The following XRCC4 variants were observed in gnomAD, a reference collection of about 807,000 sequenced individuals.
XRCC4 encodes the protein DNA repair protein XRCC4.
A neutral mutation model predicts 39.1 loss-of-function variants in XRCC4; 28 were observed. The ratio of observed to expected loss-of-function variants is 0.72; its 90% confidence interval spans 0.53 to 0.98. XRCC4 has a LOEUF of 0.98. Ranked by LOEUF, XRCC4 falls within the 50% of genes least tolerant of loss-of-function variation. The pLI is 0.00. For synonymous variants in XRCC4, 123 were observed against 126.4 expected, an observed-to-expected ratio of 0.97 and a Z score of 0.18; for missense variants, 350 against 376.4, an observed-to-expected ratio of 0.93 and a Z score of 0.58.
At chr5:83,347,245 G>A (rs1756943866) in intron 7 of XRCC4, among the ~76,000 whole-genome samples, 1 of 152,048 alleles carries the variant, frequency 6.6e-6, no homozygotes, top group South Asian at 2.1e-4. Flanking sequence ...TAAAAAAAAG[G>A]CTGTGAATGT....
chr5:83,175,526 C>G (rs909255595), intron 3 of XRCC4, among the ~76,000 whole-genome samples: 4 of 152,160 alleles, frequency 2.6e-5, no homozygotes, highest in Admixed American at 6.5e-5. Flanking sequence ...AAATTGGAGA[C>G]TGGATGCCGT....
intron 3 of XRCC4, 105 bp from the exon 4 acceptor site, chr5:83,195,665 C>A (rs1750904553): frequency 9.0e-7 from 1 of 1,115,276 alleles, no homozygotes; most frequent in Non-Finnish European, 1.2e-6. Flanking sequence ...GTATTTAAAT[C>A]CTTCTTACAC....
chr5:83,095,844 A>G (rs975919154), intron 1 of XRCC4, among the ~76,000 whole-genome samples: 1 of 151,892 alleles, frequency 6.6e-6, no homozygotes, highest in Non-Finnish European at 1.5e-5. Flanking sequence ...CTATTCCGGT[A>G]TTATTAAGAT....
intron 3 of XRCC4, among the ~76,000 whole-genome samples, chr5:83,151,454 C>T (rs1297187362): frequency 2.6e-5 from 4 of 152,076 alleles, no homozygotes. Context: ...CAAAAAGGTT[C>T]ATAGAAAATC....
chr5:83,301,753 A>G (rs564616767), intron 7 of XRCC4, among the ~76,000 whole-genome samples: 9 of 152,268 alleles, frequency 5.9e-5, no homozygotes, highest in Admixed American at 2.6e-4. Context: ...ATTTTTGTAT[A>G]AAGATATAAG....
intron 6 of XRCC4, among the ~76,000 whole-genome samples, chr5:83,220,460 A>G (rs186705825): frequency 1.4e-3 from 217 of 152,302 alleles, no homozygotes; most frequent in African/African-American, 5.0e-3. Flanking sequence ...AGGATAGACA[A>G]GGTTACCAAT....
chr5:83,300,734 C>G (rs1379379002), intron 7 of XRCC4, among the ~76,000 whole-genome samples: 2 of 151,734 alleles, frequency 1.3e-5, no homozygotes, highest in Non-Finnish European at 2.9e-5. Context: ...TCCTCTTGCC[C>G]CCCACCCCCC....
chr5:83,122,588 T>G (rs975826512), intron 3 of XRCC4, among the ~76,000 whole-genome samples: 2 of 152,322 alleles, frequency 1.3e-5, no homozygotes, highest in African/African-American at 4.8e-5. Context: ...ATAGATCTTA[T>G]GCATTTTATA....
intron 3 of XRCC4, among the ~76,000 whole-genome samples, chr5:83,112,362 A>G (rs144792836): frequency 2.0e-5 from 3 of 152,330 alleles, no homozygotes; most frequent in African/African-American, 4.8e-5. Context: ...ATCATTGCCA[A>G]ATTGGGATTA....
At chr5:83,265,312 T>C (rs988924590) in intron 7 of XRCC4, among the ~76,000 whole-genome samples, 3 of 152,208 alleles carry the variant, frequency 2.0e-5, no homozygotes, top group African/African-American at 7.2e-5. Flanking sequence ...CTGGTCATCA[T>C]GAGCAAACCT....
chr5:83,345,681 G>A (rs1049582635), intron 7 of XRCC4, among the ~76,000 whole-genome samples: 8 of 152,040 alleles, frequency 5.3e-5, no homozygotes, highest in Non-Finnish European at 8.8e-5. Flanking sequence ...AATGCTTCTC[G>A]TTTGAATAGG....
chr5:83,111,450 A>G (rs911112747), intron 3 of XRCC4, among the ~76,000 whole-genome samples: 1 of 152,108 alleles, frequency 6.6e-6, no homozygotes. Flanking sequence ...TTAAAGTATT[A>G]CAGAGTTAAT....
At position 83,217,019 on chromosome 5, in the gene XRCC4, T is replaced by C. The variant is rs16900237; in HGVS notation, c.745+12098T>C. Among the ~76,000 whole-genome samples, 1,165 of 151,898 alleles carry C rather than the reference T, an allele frequency of 7.7e-3. 12 individuals carry two copies. The highest frequency in any genetic ancestry group is 0.026 in the African/African-American group (1,089 of 41,348). On this transcript the variant is annotated intron_variant, in intron 6 of 7. Coordinates refer to ENST00000396027, the MANE Select transcript of XRCC4 (RefSeq NM_003401.5). Reference sequence around the variant, plus strand: ...TCTTTCTAAAAAAAAAAATAAGCATTTGATCATCTTGAGATATTTCAAAAC... The same window carrying C: ...TCTTTCTAAAAAAAAAAATAAGCATCTGATCATCTTGAGATATTTCAAAAC...
At chr5:83,327,572 T>C (rs1306303228) in intron 7 of XRCC4, among the ~76,000 whole-genome samples, 1 of 152,074 alleles carries the variant, frequency 6.6e-6, no homozygotes, top group African/African-American at 2.4e-5. Flanking sequence ...GGTTATTTCA[T>C]ATTGTATATG....
chr5:83,259,772 C>A (rs1753685486), intron 7 of XRCC4, among the ~76,000 whole-genome samples: 1 of 151,872 alleles, frequency 6.6e-6, no homozygotes, highest in Admixed American at 6.6e-5. Context: ...TTCAATATGG[C>A]AAATAGTCTA....
chr5:83,126,725 A>G (rs1192280645), intron 3 of XRCC4, among the ~76,000 whole-genome samples: 1 of 152,208 alleles, frequency 6.6e-6, no homozygotes, highest in African/African-American at 2.4e-5. Flanking sequence ...CAAAGCTTAC[A>G]AGCATAGGTT....
chr5:83,353,618 G>A lies in XRCC4; in HGVS notation c.*376G>A, dbSNP rs969796521. On this transcript the variant is annotated 3_prime_UTR_variant, in exon 8 of 8. Transcript: ENST00000396027. ...AAAACATCATTTTAAAATGTCTTCA[G>A]CTTTTTTTGAATAGACGTATTCAAA... is the stretch of plus-strand genomic sequence containing the variant. 4 of 155,142 alleles carry A rather than the reference G, an allele frequency of 2.6e-5. No individual in the cohort carries two copies. The highest frequency in any genetic ancestry group is 9.6e-5 in the African/African-American group (4 of 41,576). The allele number at this position is 155,142 out of a possible 1,614,324, so 9.6% of individuals were successfully genotyped here.
chr5:83,188,822 A>G lies in XRCC4; in HGVS notation c.316-6948A>G, dbSNP rs1046705433. On this transcript the variant is annotated intron_variant, in intron 3 of 7. Transcript: ENST00000396027. ...TGTAGAGTTAAATAAGAAGAGGGCC[A>G]AGGAATTATTCCAGGAAACAATACT... is the stretch of plus-strand genomic sequence containing the variant. Among the ~76,000 whole-genome samples, 4 of 152,226 alleles carry G rather than the reference A, an allele frequency of 2.6e-5. No individual in the cohort carries two copies. The East Asian group carries it at 5.8e-4, about 22-fold the overall frequency.
At chr5:83,225,589 C>A (rs868401764) in intron 6 of XRCC4, among the ~76,000 whole-genome samples, 2 of 135,012 alleles carry the variant, frequency 1.5e-5, no homozygotes, top group South Asian at 2.4e-4. Context: ...CTTGGTGCAT[C>A]GCCAAATTTA....
Sources: allele counts gnomAD v4.1 joint callset (sites outside exome capture counted in the v4.1 genomes callset), GRCh38; gene constraint gnomAD v4.1.1; transcripts MANE v1.5; gene names NCBI Gene and HGNC (gene_info 2026-07-23, HGNC 2026-07-21).